Variants in SAMD3 observed in about 807,000 individuals in gnomAD.
SAMD3 encodes the protein sterile alpha motif domain containing 3.
SAMD3 carries 63 observed loss-of-function variants against 58.5 expected under a neutral mutation model. The observed-to-expected ratio is 1.08, with a 90% CI of 0.88 to 1.33. The LOEUF (loss-of-function observed/expected upper bound fraction) is 1.33. Among genes scored for constraint, SAMD3 ranks in the 40% most tolerant of loss-of-function variants. SAMD3 has a pLI of 0.00. For synonymous variants in SAMD3, 220 were observed against 210.3 expected (o/e 1.05, Z -0.40); for missense variants, 604 against 608.4 (o/e 0.99, Z 0.08).
intron 2 of SAMD3, among the ~76,000 whole-genome samples, chr6:130,282,037 C>T (rs553906724): frequency 1.3e-5 from 2 of 152,202 alleles, no homozygotes; most frequent in Non-Finnish European, 2.9e-5. Context: ...GTAGTAAATT[C>T]TTCTTCCTTC....
rs557539562 is a variant in SAMD3 at position 130,253,675 on chromosome 6, GCTTT to G, written c.-187-30866_-187-30863del. Among the ~76,000 whole-genome samples the G allele has an allele frequency of 5.0e-3, 757 of 151,866 alleles. 1 individual carries two copies. Among genetic ancestry groups the G allele is most frequent in the Non-Finnish European group, 8.0e-3 (542 of 67,916 alleles). On this transcript the variant is annotated intron_variant, in intron 2 of 13. Coordinates refer to the SAMD3 transcript ENST00000368134. The stretch of plus-strand genomic sequence containing the variant: ...CTCACCTTTTAAAGTAAATATCAAT[GCTTT>G]CTATTTTAAGAAATAAATTAGTGTA...
At chr6:130,244,342 A>G (rs528264313) in intron 2 of SAMD3, among the ~76,000 whole-genome samples, 102 of 152,328 alleles carry the variant, frequency 6.7e-4, no homozygotes, top group African/African-American at 2.4e-3. Flanking sequence ...AACAGGCTCA[A>G]GGTCATATGT....
chr6:130,354,230 T>C (rs1175583544), intron 1 of SAMD3, among the ~76,000 whole-genome samples: 1 of 151,984 alleles, frequency 6.6e-6, no homozygotes, highest in South Asian at 2.1e-4. Context: ...TTGGTGGGAG[T>C]GTAAATTAGT....
At chr6:130,321,540 A>G (rs781316553) in intron 1 of SAMD3, among the ~76,000 whole-genome samples, 1 of 152,240 alleles carries the variant, frequency 6.6e-6, no homozygotes, top group Non-Finnish European at 1.5e-5. Flanking sequence ...CAACTAATCC[A>G]GAGGTGTTCC....
chr6:130,307,504 G>A (rs564652716), intron 2 of SAMD3, among the ~76,000 whole-genome samples: 2 of 152,254 alleles, frequency 1.3e-5, no homozygotes, highest in Admixed American at 1.3e-4. Context: ...TATTCTTTAA[G>A]AGAGGAATTA....
At chr6:130,349,542 G>C (rs904392934) in intron 1 of SAMD3, among the ~76,000 whole-genome samples, 1 of 152,156 alleles carries the variant, frequency 6.6e-6, no homozygotes, top group African/African-American at 2.4e-5. Context: ...TCTCTGAATA[G>C]ACCAATAACA....
At chr6:130,155,241 G>A (rs984295152) in intron 8 of SAMD3, among the ~76,000 whole-genome samples, 1 of 152,156 alleles carries the variant, frequency 6.6e-6, no homozygotes, top group Non-Finnish European at 1.5e-5. Context: ...TCTCTTGAAA[G>A]ATCTAAAAGA....
chr6:130,275,386 T>C (rs1018081775), intron 2 of SAMD3, among the ~76,000 whole-genome samples: 11 of 152,330 alleles, frequency 7.2e-5, no homozygotes, highest in African/African-American at 2.6e-4. Context: ...TTGTCAGCTC[T>C]GGGTTTTAAA....
chr6:130,264,678 G>A (rs1774273305), intron 2 of SAMD3, among the ~76,000 whole-genome samples: 1 of 152,158 alleles, frequency 6.6e-6, no homozygotes, highest in Non-Finnish European at 1.5e-5. Flanking sequence ...AAATCAAATA[G>A]CTACAGGATT....
intron 2 of SAMD3, among the ~76,000 whole-genome samples, chr6:130,297,307 A>C (rs1775603578): frequency 6.6e-6 from 1 of 152,242 alleles, no homozygotes; most frequent in Non-Finnish European, 1.5e-5. Flanking sequence ...GAAAACACCC[A>C]GGAATGAAGC....
intron 1 of SAMD3, among the ~76,000 whole-genome samples, chr6:130,358,726 T>TCC (rs976032639): frequency 6.9e-6 from 1 of 144,596 alleles, no homozygotes; most frequent in Non-Finnish European, 1.5e-5. Flanking sequence ...CACTATGTCT[T>TCC]ACACACACAC....
intron 5 of SAMD3, among the ~76,000 whole-genome samples, chr6:130,197,999 C>T (rs1794297876): frequency 6.6e-6 from 1 of 152,120 alleles, no homozygotes; most frequent in Admixed American, 6.6e-5. Context: ...CTCATCCTGG[C>T]TCAAAAGCTC....
rs147073631 is a variant in SAMD3 at position 130,286,940 on chromosome 6, C to T, written c.-188+26038G>A. 2.5e-3 allele frequency among the ~76,000 whole-genome samples: 380 copies of T among 152,270 alleles called. 3 individuals are homozygous for T. The highest frequency in any genetic ancestry group is 8.7e-3 in the African/African-American group (361 of 41,562). On this transcript the variant is annotated intron_variant, in intron 2 of 13. Coordinates refer to the SAMD3 transcript ENST00000368134. The stretch of plus-strand genomic sequence containing the variant: ...GCCCAGACTGGTCTCAAACTCCTGA[C>T]CTCAAAGAATCTGCCTGCCTCGGCC...
At chr6:130,218,854 C>T (rs904154268) in intron 1 of SAMD3, among the ~76,000 whole-genome samples, 1 of 151,970 alleles carries the variant, frequency 6.6e-6, no homozygotes, top group Admixed American at 6.5e-5. Context: ...CAGGGAGGAC[C>T]GTGCTGCTTG....
intron 2 of SAMD3, among the ~76,000 whole-genome samples, chr6:130,298,591 T>G (rs528670656): frequency 6.6e-6 from 1 of 152,202 alleles, no homozygotes; most frequent in South Asian, 2.1e-4. Flanking sequence ...AATGCCGACA[T>G]CACAAAGAGA....
At chr6:130,316,034 T>A (rs1008740261) in intron 1 of SAMD3, among the ~76,000 whole-genome samples, 1 of 152,212 alleles carries the variant, frequency 6.6e-6, no homozygotes, top group Admixed American at 6.5e-5. Flanking sequence ...CTCACCCTTG[T>A]AATCCCAGCA....
chr6:130,328,767 T>A (rs112544015), intron 1 of SAMD3, among the ~76,000 whole-genome samples: 1,713 of 152,328 alleles, frequency 0.011, 24 homozygotes, highest in Non-Finnish European at 0.018. Context: ...GTACCCAGTT[T>A]GCTGGAACTC....
intron 2 of SAMD3, among the ~76,000 whole-genome samples, chr6:130,280,367 CCTT>C (rs1774938148): frequency 6.6e-6 from 1 of 152,162 alleles, no homozygotes. Context: ...CATTCCCAAA[CCTT>C]CTTCCTGGTT....
chr6:130,192,315 A>G (rs994167347), intron 5 of SAMD3, among the ~76,000 whole-genome samples: 2 of 152,232 alleles, frequency 1.3e-5, no homozygotes, highest in Non-Finnish European at 1.5e-5. Context: ...GACAGGTGTC[A>G]GGCCTCTGAG....
Sources: allele counts gnomAD v4.1 joint callset (sites outside exome capture counted in the v4.1 genomes callset), GRCh38; gene constraint gnomAD v4.1.1; transcripts MANE v1.5; gene names NCBI Gene and HGNC (gene_info 2026-07-23, HGNC 2026-07-21).